KIAA1755: variants seen among roughly 807,000 people sequenced by gnomAD.
KIAA1755 encodes uncharacterized protein KIAA1755.
Under a neutral mutation model 91.7 loss-of-function variants are expected in KIAA1755, and 68 were observed. The observed-to-expected ratio is 0.74, with a 90% confidence interval of 0.61 to 0.91. The LOEUF (loss-of-function observed/expected upper bound fraction) is 0.91. Among genes scored for constraint, KIAA1755 ranks in the 40% least tolerant of loss-of-function variants. The pLI is 0.00. For synonymous variants in KIAA1755, 610 were observed against 604.6 expected, an observed-to-expected ratio of 1.01 and a Z score of -0.13; for missense variants, 1,535 against 1,494.4, an observed-to-expected ratio of 1.03 and a Z score of -0.45.
At chr20:38,231,360 C>G (rs569295764) in intron 4 of KIAA1755, 35 bp from the exon 5 acceptor site, 5 of 1,576,382 alleles carry the variant, frequency 3.2e-6, no homozygotes, top group Non-Finnish European at 4.3e-6. Flanking sequence ...GCAGTGAGAA[C>G]TTGTGGGGGG....
In KIAA1755 at chr20:38,240,943, A is replaced by C; in HGVS notation, c.1188T>G (p.Ala396=). 6.2e-7 allele frequency: 1 copy of C among 1,614,072 alleles called. No individual in the cohort carries two copies. The highest frequency in any genetic ancestry group is 8.5e-7 in the Non-Finnish European group (1 of 1,179,964). The change falls in exon 3 of 14, where the codon GCT becomes GCG. Residue 396 remains alanine (A), a synonymous_variant. Transcript: ENST00000279024. ...GLRAGVSQEP[A]ASKMQGPLGN... ...CTAGAGGTCCCTGCATCTTGGAGGC[A>C]GCTGGCTCTTGTGAGACACCTGCCC...
rs201567075 is a variant in KIAA1755 at position 38,225,821 on chromosome 20, G to A, written c.2053-40C>T. 3.9e-6 allele frequency: 5 copies of A among 1,276,840 alleles called. No individual in the cohort carries two copies. In the East Asian group the frequency reaches 1.2e-4, roughly 32 times the overall value. 79.1% of individuals were successfully genotyped at this position (1,276,840 alleles called of 1,614,324 possible). On this transcript the variant is annotated intron_variant, in intron 7 of 13. Transcript: ENST00000279024. The stretch of plus-strand genomic sequence containing the variant: ...ATCAGGAGAACCAGGGACTCAAAGT[G>A]AGGACAGTCATTTTAGAAGGTCCTG...
rs558405012 is a variant in KIAA1755 at position 38,213,480 on chromosome 20, G to C, written c.3165C>G (p.Ser1055Arg). The change falls in exon 14 of 14, where the codon AGC becomes AGG. Residue 1055 changes from serine to arginine, a missense_variant. Coordinates refer to ENST00000279024, the MANE Select transcript of KIAA1755 (RefSeq NM_001029864.2). ...GAGCAGCTGGAGCCTCTGGGCAAGA[G>C]CTGTGGGTCAGTGCCTTCTCCAGGA... ...RMLLEKALTHSSCPEAPAAHS... is the reference protein window; with the variant it reads ...RMLLEKALTHRSCPEAPAAHS... 6.2e-7 allele frequency: 1 copy of C among 1,607,004 alleles called. No individual in the cohort carries two copies.
intron 1 of KIAA1755, among the ~76,000 whole-genome samples, chr20:38,248,773 G>A (rs1410175158): frequency 6.6e-6 from 1 of 151,420 alleles, no homozygotes; most frequent in Non-Finnish European, 1.5e-5. Context: ...ATCTCTGCTT[G>A]CTGCAGCCTC....
At chr20:38,228,282 T>G (rs2075797030) in intron 5 of KIAA1755, 42 bp from the exon 6 acceptor site, 5 of 1,505,766 alleles carry the variant, frequency 3.3e-6, no homozygotes, top group Non-Finnish European at 4.5e-6. Flanking sequence ...CTGGATGGCC[T>G]CGGACAGGGG....
intron 5 of KIAA1755, among the ~76,000 whole-genome samples, chr20:38,229,816 C>G (rs2075828618): frequency 6.6e-6 from 1 of 152,160 alleles, no homozygotes; most frequent in Non-Finnish European, 1.5e-5. Context: ...GGTTGCATAG[C>G]CAGTCGGTGG....
chr20:38,213,573 C>G lies in KIAA1755; in HGVS notation c.3072G>C (p.Leu1024=). ...GCTCCTGGCCCAGGCCTGCCCGGCT[C>G]AGGGAGGCCACCTGCAGCCCCACGG... ...LAAVGLQVAS[L]SRAGLGQELW... The change falls in exon 14 of 14, where the codon CTG becomes CTC. Residue 1024 remains leucine, a synonymous_variant. Transcript: ENST00000279024. 1 of 1,607,200 alleles carries G rather than the reference C, an allele frequency of 6.2e-7. No homozygotes were observed. The highest frequency in any genetic ancestry group is 1.7e-4 in the Middle Eastern group (1 of 6,042).
intron 5 of KIAA1755, among the ~76,000 whole-genome samples, chr20:38,230,624 C>A (rs564209236): frequency 6.6e-6 from 1 of 152,172 alleles, no homozygotes; most frequent in Non-Finnish European, 1.5e-5. Flanking sequence ...CACGGTGGCT[C>A]ACGCCTGTAA....
chr20:38,241,878 T>G lies in KIAA1755; in HGVS notation c.253A>C (p.Arg85=). ...GCCAAGTGGACCACAACTTCATCCC[T>G]CAGACAGAGTGGCCAGCCCTCGTGT... ...FLHEGWPLCL[R]DEVVVHLAPL... is the part of the protein sequence containing the mutation. The change falls in exon 3 of 14, where the codon AGG becomes CGG. Residue 85 remains arginine, a synonymous_variant. Coordinates refer to ENST00000279024, the MANE Select transcript of KIAA1755 (RefSeq NM_001029864.2). The G allele has an allele frequency of 6.2e-7, 1 of 1,613,896 alleles. No individual in the cohort carries two copies. Among genetic ancestry groups the G allele is most frequent in the Non-Finnish European group, 8.5e-7 (1 of 1,180,006 alleles).
rs751122162 is a variant in KIAA1755 at position 38,241,039 on chromosome 20, G to A, written c.1092C>T (p.Asn364=). ...AGGAGCCTTGGGGCGGCCTTTCTGAGTTGTGGGTGGGTGCTTTAAGATTGA... is the reference window on the plus strand; with the variant it reads ...AGGAGCCTTGGGGCGGCCTTTCTGAATTGTGGGTGGGTGCTTTAAGATTGA... The part of the protein sequence containing the change: ...RKVNLKAPTH[N]SERPPQGSYM... Residue 364 remains asparagine (N), a synonymous_variant, in exon 3 of 14, where the codon AAC becomes AAT. Transcript: ENST00000279024. 23 of 1,614,072 alleles carry A rather than the reference G, an allele frequency of 1.4e-5. No homozygotes were observed. The highest frequency in any genetic ancestry group is 1.9e-5 in the Non-Finnish European group (23 of 1,180,048).
intron 8 of KIAA1755, among the ~76,000 whole-genome samples, chr20:38,223,955 C>G (rs908336391): frequency 6.6e-6 from 1 of 152,076 alleles, no homozygotes; most frequent in Non-Finnish European, 1.5e-5. Context: ...AGGAGACAGG[C>G]CTGAGCGACT....
rs1464597164 is a variant in KIAA1755 at position 38,252,421 on chromosome 20, C to T, written c.4-6295G>A. ...TACTTGCATTCTCTTGCTTAGCCCA[C>T]ACAACGATGCCAGGAGCCAAGTAGG... On this transcript the variant is annotated intron_variant, in intron 1 of 13. Coordinates refer to ENST00000279024, the MANE Select transcript of KIAA1755 (RefSeq NM_001029864.2). Among the ~76,000 whole-genome samples, 3 of 152,124 alleles carry T rather than the reference C, an allele frequency of 2.0e-5. No homozygotes were observed. The East Asian group carries it at 5.8e-4, about 29-fold the overall frequency.
At position 38,240,642 on chromosome 20, in the gene KIAA1755, A is replaced by T; in HGVS notation, c.1489T>A (p.Trp497Arg). The T allele has an allele frequency of 6.6e-7, 1 of 1,521,864 alleles. No individual in the cohort carries two copies. Among genetic ancestry groups the T allele is most frequent in the Non-Finnish European group, 8.8e-7 (1 of 1,136,922 alleles). The allele number at this position is 1,521,864 out of a possible 1,614,324, so 94.3% of individuals were successfully genotyped here. The change falls in exon 3 of 14, where the codon TGG (tryptophan) becomes AGG (arginine). Residue 497 changes from tryptophan (W) to arginine (R), a missense_variant. Physicochemically the swap from Trp to Arg is moderately radical, Grantham distance 101. Transcript: ENST00000279024. ...GAGTAGAGGGAACACAGGACTTTCC[A>T]GGGCCCATTGTGCTGGAGTGAGGCT... is the stretch of plus-strand genomic sequence containing the variant. ...EKASLQHNGPWKVLCSLYSPK... is the reference protein window; with the variant it reads ...EKASLQHNGPRKVLCSLYSPK...
At position 38,213,602 on chromosome 20, in the gene KIAA1755, C is replaced by T. The variant is rs772261810; in HGVS notation, c.3043G>A (p.Ala1015Thr). 111 of 1,609,796 alleles carry T rather than the reference C, an allele frequency of 6.9e-5. No individual in the cohort carries two copies. The Middle Eastern group carries it at 3.5e-3, about 50-fold the overall frequency. The change falls in exon 14 of 14, where the codon GCA becomes ACA. Residue 1015 changes from alanine to threonine, a missense_variant. Ala to Thr is a moderately conservative substitution (Grantham distance 58). Coordinates refer to ENST00000279024, the MANE Select transcript of KIAA1755 (RefSeq NM_001029864.2). Reference sequence around the variant, plus strand: ...GAGGCCACCTGCAGCCCCACGGCTGCGAGCTTCTCAGCAGGGAACTCAGAT... The same window carrying T: ...GAGGCCACCTGCAGCCCCACGGCTGTGAGCTTCTCAGCAGGGAACTCAGAT... ...LASEFPAEKL[A>T]AVGLQVASLS...
chr20:38,239,435 C>T (rs2076013706), intron 4 of KIAA1755, 93 bp downstream of exon 4: 8 of 1,136,902 alleles, frequency 7.0e-6, no homozygotes, highest in Admixed American at 1.9e-5. Flanking sequence ...GCCTCCAGGG[C>T]ATTCCCTGCC....
At chr20:38,257,525 G>A (rs979986515) in intron 1 of KIAA1755, among the ~76,000 whole-genome samples, 1 of 149,314 alleles carries the variant, frequency 6.7e-6, no homozygotes, top group Non-Finnish European at 1.5e-5. Flanking sequence ...AGATTGCAGT[G>A]AGCCAAGACA....
intron 1 of KIAA1755, among the ~76,000 whole-genome samples, chr20:38,252,497 G>A (rs116983056): frequency 9.9e-5 from 15 of 152,114 alleles, no homozygotes; most frequent in Non-Finnish European, 1.8e-4. Context: ...GCCCAAGACC[G>A]CACAGAAGAG....
At chr20:38,237,724 G>A (rs916937829) in intron 4 of KIAA1755, among the ~76,000 whole-genome samples, 5 of 151,834 alleles carry the variant, frequency 3.3e-5, no homozygotes, top group African/African-American at 1.2e-4. Flanking sequence ...TGAAGATGAT[G>A]AAACTTGGGG....
chr20:38,255,130 T>C (rs2076318189), intron 1 of KIAA1755, among the ~76,000 whole-genome samples: 1 of 151,790 alleles, frequency 6.6e-6, no homozygotes, highest in African/African-American at 2.4e-5. Context: ...TGAGCAGAGA[T>C]TGGGCCACTG....
Sources: allele counts gnomAD v4.1 joint callset (sites outside exome capture counted in the v4.1 genomes callset), GRCh38; gene constraint gnomAD v4.1.1; transcripts MANE v1.5; gene names NCBI Gene and HGNC (gene_info 2026-07-23, HGNC 2026-07-21).